The following KCNC4 variants were observed in gnomAD, a reference collection of about 807,000 sequenced individuals.
KCNC4 encodes voltage-gated potassium channel KCNC4.
In KCNC4, 23 loss-of-function variants were observed where a neutral mutation model predicts 42.8. That is an observed-to-expected ratio of 0.54 (90% CI 0.39 to 0.76). The LOEUF (loss-of-function observed/expected upper bound fraction) is 0.76, where lower values mean the gene tolerates loss of function less well. Ranked by LOEUF, KCNC4 falls within the 30% of genes least tolerant of loss-of-function variation. The probability of loss-of-function intolerance (pLI) is 0.00; values close to 1 mark genes in which losing one functional copy is unlikely to be tolerated. For missense variants in KCNC4, 751 were observed against 898.2 expected (o/e 0.84, Z 2.10); for synonymous variants, 422 against 393.5 (o/e 1.07, Z -0.86).
chr1:110,212,659 C>G (rs146253656), intron 1 of KCNC4, among the ~76,000 whole-genome samples: 1 of 152,216 alleles, frequency 6.6e-6, no homozygotes, highest in African/African-American at 2.4e-5. Flanking sequence ...ATCCTCCCAG[C>G]AGCTCAGTGT....
At chr1:110,250,622 C>T (rs930884307), downstream of KCNC4, among the ~76,000 whole-genome samples, 1 of 152,176 alleles carries the variant, frequency 6.6e-6, no homozygotes, top group African/African-American at 2.4e-5. Context: ...AAGCAAATTG[C>T]CAAGGGGATG....
chr1:110,227,258 C>T lies in KCNC4; in HGVS notation c.1819+1080C>T, dbSNP rs1466184913. Among the ~76,000 whole-genome samples the T allele has an allele frequency of 3.3e-5, 5 of 152,208 alleles. No individual in the cohort carries two copies. The East Asian group carries it at 9.6e-4, about 29-fold the overall frequency. ...CAGGAATAGCCTGTGATGCCTCTGT[C>T]CCTCTGAAGATGTCCCAATGTCCCG... On this transcript the variant is annotated intron_variant, in intron 3 of 3. Coordinates refer to ENST00000438661, the MANE Select transcript of KCNC4 (RefSeq NM_001039574.3).
intron 1 of KCNC4, among the ~76,000 whole-genome samples, chr1:110,267,334 A>T (rs1268226325): frequency 6.6e-6 from 1 of 152,086 alleles, no homozygotes; most frequent in East Asian, 1.9e-4. Flanking sequence ...CTTTGAAGGG[A>T]ATGAATAGAC....
downstream of KCNC4, among the ~76,000 whole-genome samples, chr1:110,253,623 T>C (rs960664449): frequency 6.6e-6 from 1 of 152,254 alleles, no homozygotes; most frequent in Non-Finnish European, 1.5e-5. Context: ...CCAGATTTTC[T>C]GATCCTGAGT....
downstream of KCNC4, among the ~76,000 whole-genome samples, chr1:110,253,110 A>G (rs2101068321): frequency 6.6e-6 from 1 of 152,264 alleles, no homozygotes; most frequent in East Asian, 1.9e-4. Flanking sequence ...AAGCTGGTAT[A>G]TCTTCCCAGT....
At chr1:110,237,536 G>C (rs1450445006), downstream of KCNC4, 1 of 152,204 alleles carries the variant, frequency 6.6e-6, no homozygotes. Context: ...AAAATGTTTG[G>C]AGACACAGTG....
rs1657440647 is a variant in KCNC4, at chr1:110,211,447, A to T, written c.-53A>T. On this transcript the variant is annotated 5_prime_UTR_variant, in exon 1 of 4. The change creates a new upstream start codon in the 5' untranslated region. Transcript: ENST00000438661. The surrounding 1 kb of genome is among the most constrained non-coding windows in gnomAD (Gnocchi z 6.5). The stretch of plus-strand genomic sequence containing the variant: ...CCCGTCTGACGCTGCCTCCTCGGGA[A>T]GGGTGTTTGGAGGGCAGCGGCCGCC... 5 of 1,543,872 alleles carry T rather than the reference A, an allele frequency of 3.2e-6. No homozygotes were observed. The highest frequency in any genetic ancestry group is 4.4e-6 in the Non-Finnish European group (5 of 1,140,508).
intron 1 of KCNC4, among the ~76,000 whole-genome samples, chr1:110,260,208 G>T (rs2101075181): frequency 1.3e-5 from 2 of 152,318 alleles, no homozygotes; most frequent in South Asian, 4.1e-4. Flanking sequence ...TAGGAACAGG[G>T]GGGCTTTTCC....
chr1:110,232,249 T>G (rs768793898), intron 3 of KCNC4: 1 of 1,614,018 alleles, frequency 6.2e-7, no homozygotes, highest in Non-Finnish European at 8.5e-7. Flanking sequence ...ACCTTCCCCT[T>G]CAGCATTCAC....
Position 110,223,338 on chromosome 1 carries a change from C to G in KCNC4, c.1053C>G (p.Phe351Leu). Reference sequence around the variant, plus strand: ...TGGGCTTCCTGCGCGTGGTGCGCTTCGTGCGCATCCTGCGTATCTTCAAGC... The same window carrying G: ...TGGGCTTCCTGCGCGTGGTGCGCTTGGTGCGCATCCTGCGTATCTTCAAGC... Reference protein sequence around the residue: ...DVLGFLRVVRFVRILRIFKLT... With the variant: ...DVLGFLRVVRLVRILRIFKLT... The change falls in exon 2 of 4, where the codon TTC becomes TTG. Residue 351 changes from phenylalanine (F) to leucine (L), a missense_variant. Coordinates refer to ENST00000438661, the MANE Select transcript of KCNC4 (RefSeq NM_001039574.3). The surrounding 1 kb of genome is among the most constrained non-coding windows in gnomAD (Gnocchi z 7.5). The G allele has an allele frequency of 6.2e-7, 1 of 1,613,932 alleles. No homozygotes were observed.
chr1:110,267,641 T>C (rs1659562896), intron 1 of KCNC4, among the ~76,000 whole-genome samples: 12 of 152,226 alleles, frequency 7.9e-5, no homozygotes, highest in Admixed American at 7.8e-4. Context: ...TGCGAACCTC[T>C]ACATTCTGTC....
chr1:110,276,360 G>T (rs1250807941), intron 1 of KCNC4, among the ~76,000 whole-genome samples: 1 of 150,448 alleles, frequency 6.6e-6, no homozygotes, highest in Non-Finnish European at 1.5e-5. Flanking sequence ...CGTGAAGAAT[G>T]GGTTAATAGA....
At chr1:110,218,332 C>T (rs1406151135) in intron 1 of KCNC4, among the ~76,000 whole-genome samples, 1 of 152,140 alleles carries the variant, frequency 6.6e-6, no homozygotes, top group Non-Finnish European at 1.5e-5. Context: ...AGCCTCAGGA[C>T]CTTTGCACTA....
chr1:110,239,555 T>C (rs769493368), exon 4 of KCNC4: 1 of 152,188 alleles, frequency 6.6e-6, no homozygotes, highest in Non-Finnish European at 1.5e-5. Flanking sequence ...CTAGGGCCTA[T>C]AGGGGCTCGG....
At chr1:110,225,864 C>G in intron 2 of KCNC4, 111 bp from the exon 3 acceptor site, 1 of 1,025,866 alleles carries the variant, frequency 9.7e-7, no homozygotes, top group South Asian at 1.6e-5. Context: ...AGATGCTAGG[C>G]CCCTCCCAAG....
intron 1 of KCNC4, among the ~76,000 whole-genome samples, chr1:110,276,860 T>G (rs998048846): frequency 6.6e-6 from 1 of 152,120 alleles, no homozygotes; most frequent in Non-Finnish European, 1.5e-5. Flanking sequence ...CTGACAAACA[T>G]GGACCTCCAA....
At chr1:110,251,169 C>T (rs1448148969), downstream of KCNC4, among the ~76,000 whole-genome samples, 1 of 152,130 alleles carries the variant, frequency 6.6e-6, no homozygotes. Flanking sequence ...CATGCTAGTC[C>T]GGCTTGGCTT....
At chr1:110,267,508 C>T (rs1233209655) in intron 1 of KCNC4, among the ~76,000 whole-genome samples, 2 of 152,156 alleles carry the variant, frequency 1.3e-5, no homozygotes, top group Non-Finnish European at 2.9e-5. Context: ...CATGAACACA[C>T]TCCTAAGTAC....
intron 1 of KCNC4, among the ~76,000 whole-genome samples, chr1:110,215,366 G>A (rs1186442785): frequency 6.6e-6 from 1 of 152,178 alleles, no homozygotes; most frequent in African/African-American, 2.4e-5. Flanking sequence ...GCTCACCGTG[G>A]AGACTTCACA....
Sources: allele counts gnomAD v4.1 joint callset (sites outside exome capture counted in the v4.1 genomes callset), GRCh38; gene constraint gnomAD v4.1.1; non-coding constraint Gnocchi (gnomAD v3.1); transcripts MANE v1.5; gene names NCBI Gene and HGNC (gene_info 2026-07-23, HGNC 2026-07-21).